The following ZCCHC14 variants were observed in gnomAD, a reference collection of about 807,000 sequenced individuals.
ZCCHC14 encodes the protein zinc finger CCHC domain-containing protein 14.
ZCCHC14 carries 16 observed loss-of-function variants against 85.0 expected under a neutral mutation model. The observed-to-expected ratio is 0.19, with a 90% CI of 0.13 to 0.29. The LOEUF (loss-of-function observed/expected upper bound fraction) is 0.29, where lower values mean the gene tolerates loss of function less well. Ranked by LOEUF, ZCCHC14 falls within the 10% of genes least tolerant of loss-of-function variation. The pLI is 1.00. For missense variants in ZCCHC14, 1,303 were observed against 1,443.5 expected (o/e 0.90, Z 1.58); for synonymous variants, 775 against 630.7 (o/e 1.23, Z -3.43).
At position 87,460,030 on chromosome 16, in the gene ZCCHC14, C is replaced by T; in HGVS notation, c.672G>A (p.Arg224=). The T allele has an allele frequency of 1.9e-6, 3 of 1,614,122 alleles. No homozygotes were observed. Among genetic ancestry groups the T allele is most frequent in the Non-Finnish European group, 1.7e-6 (2 of 1,180,028 alleles). Residue 224 remains arginine, a synonymous_variant, in exon 2 of 13, where the codon AGG becomes AGA. Transcript: ENST00000671377. ...AHSTEESLPK[R]PLGKHSKVSV... ...CACCTTTGCTGTGTTTTCCTAAGGG[C>T]CTCTTGGGCAGCGACTCCTCCGTGG...
At position 87,410,283 on chromosome 16, in the gene ZCCHC14, A is replaced by C; in HGVS notation, c.3258T>G (p.Asp1086Glu). The change falls in exon 13 of 13, where the codon GAT becomes GAG. Residue 1086 changes from aspartate to glutamate, a missense_variant. Physicochemically the swap from Asp to Glu is conservative, Grantham distance 45 (BLOSUM62 2). This residue lies in a region of ZCCHC14 where 797 missense variants were observed against 730.8 expected (regional missense o/e 1.09). Transcript: ENST00000671377. ...APPAESLDST[D>E] is the part of the protein sequence containing the mutation. ...GTTCTGTTGCCAGAGAAAAATATCA[A>C]TCTGTGGAGTCCAGACTTTCTGCTG... The C allele has an allele frequency of 1.3e-6, 1 of 773,542 alleles. No homozygotes were observed. The highest frequency in any genetic ancestry group is 2.4e-5 in the East Asian group (1 of 40,844). The allele number at this position is 773,542 out of a possible 1,614,324, so 47.9% of individuals were successfully genotyped here.
At chr16:87,455,571 C>A (rs939638796) in intron 2 of ZCCHC14, among the ~76,000 whole-genome samples, 3 of 152,220 alleles carry the variant, frequency 2.0e-5, no homozygotes, top group African/African-American at 7.2e-5. Context: ...TCTCTAATCA[C>A]ATTTTCTTCA....
intron 2 of ZCCHC14, among the ~76,000 whole-genome samples, chr16:87,459,356 T>A (rs1272659541): frequency 1.3e-5 from 2 of 151,882 alleles, no homozygotes; most frequent in South Asian, 2.1e-4. Context: ...ACCCTTTTTT[T>A]TTTTTTGAGA....
rs997504996 is a variant in ZCCHC14, at chr16:87,491,192, G to A, written c.570+477C>T. 6.6e-6 allele frequency among the ~76,000 whole-genome samples: 1 copy of A among 152,244 alleles called. No individual in the cohort carries two copies. The highest frequency in any genetic ancestry group is 2.1e-4 in the South Asian group (1 of 4,830). ...CCTGGGACTGTGAGCTCTGACCGCG[G>A]ACGTCTCCCGCACCGCTCCCGCGGA... On this transcript the variant is annotated intron_variant, in intron 1 of 12. Coordinates refer to ENST00000671377, the MANE Select transcript of ZCCHC14 (RefSeq NM_015144.3). The surrounding 1 kb of genome is among the most constrained non-coding windows in gnomAD (Gnocchi z 5.9).
rs1347390968 is a variant in ZCCHC14 at position 87,423,859 on chromosome 16, A to G, written c.791T>C (p.Ile264Thr). 1.9e-6 allele frequency: 3 copies of G among 1,614,052 alleles called. No homozygotes were observed. In the African/African-American group the frequency reaches 4.0e-5, roughly 22 times the overall value. Residue 264 changes from isoleucine to threonine, a missense_variant, in exon 4 of 13, where the codon ATA (isoleucine) becomes ACA (threonine). Ile to Thr is a moderately conservative substitution (Grantham distance 89). This residue lies in a region of ZCCHC14 where 389 missense variants were observed against 397.8 expected (regional missense o/e 0.98). Transcript: ENST00000671377. ...AGAGGAAGATTTGGTTACTGATGTT[A>G]TTGAAGAATCAGACCACAAGACCTT... Reference protein sequence around the residue: ...SFEVLWSDSSITSVTKSSSEV... With the variant: ...SFEVLWSDSSTTSVTKSSSEV...
At chr16:87,417,989 T>C (rs576518222) in intron 7 of ZCCHC14, 2 of 508,412 alleles carry the variant, frequency 3.9e-6, no homozygotes, top group South Asian at 7.8e-5. Flanking sequence ...CGGCTGTGCA[T>C]ATACACACAC....
intron 1 of ZCCHC14, among the ~76,000 whole-genome samples, chr16:87,461,883 A>T (rs566954111): frequency 4.8e-4 from 73 of 152,354 alleles, no homozygotes; most frequent in Non-Finnish European, 2.1e-4. Context: ...TCATGCAGGG[A>T]GAGGGACTAA....
intron 2 of ZCCHC14, among the ~76,000 whole-genome samples, chr16:87,438,930 G>C (rs907696288): frequency 9.9e-5 from 15 of 152,224 alleles, no homozygotes; most frequent in African/African-American, 3.6e-4. Flanking sequence ...CTAATGAGCA[G>C]ACCGTATTAT....
At chr16:87,422,995 G>C (rs992897597) in intron 4 of ZCCHC14, among the ~76,000 whole-genome samples, 2 of 152,120 alleles carry the variant, frequency 1.3e-5, no homozygotes, top group African/African-American at 4.8e-5. Context: ...ATCAGACATC[G>C]TCCTCACTCC....
At chr16:87,487,904 G>T (rs1912586075) in intron 1 of ZCCHC14, among the ~76,000 whole-genome samples, 1 of 151,244 alleles carries the variant, frequency 6.6e-6, no homozygotes, top group African/African-American at 2.4e-5. Flanking sequence ...ACGGTGTGTG[G>T]TCCCCTTATA....
chr16:87,485,841 A>C (rs1912492516), intron 1 of ZCCHC14, among the ~76,000 whole-genome samples: 1 of 152,218 alleles, frequency 6.6e-6, no homozygotes, highest in African/African-American at 2.4e-5. Flanking sequence ...GATGAAGTTT[A>C]CAGGACTAAA....
intron 2 of ZCCHC14, among the ~76,000 whole-genome samples, chr16:87,434,238 T>G (rs1043249162): frequency 2.8e-4 from 42 of 152,238 alleles, no homozygotes; most frequent in Non-Finnish European, 8.8e-5. Flanking sequence ...CCCAAATATC[T>G]GCTCAAAATA....
At chr16:87,457,020 T>C (rs541060094) in intron 2 of ZCCHC14, among the ~76,000 whole-genome samples, 2 of 152,220 alleles carry the variant, frequency 1.3e-5, no homozygotes, top group Non-Finnish European at 1.5e-5. Flanking sequence ...CTACAACAGC[T>C]TCCCTAAGTT....
chr16:87,464,185 G>A (rs1443522603), intron 1 of ZCCHC14, among the ~76,000 whole-genome samples: 1 of 152,214 alleles, frequency 6.6e-6, no homozygotes, highest in African/African-American at 2.4e-5. Context: ...AAGGGGAGAG[G>A]AGGGCTGAGC....
intron 2 of ZCCHC14, among the ~76,000 whole-genome samples, chr16:87,444,143 A>C (rs1035912740): frequency 6.6e-6 from 1 of 152,118 alleles, no homozygotes; most frequent in Non-Finnish European, 1.5e-5. Flanking sequence ...ACACTCCATC[A>C]GCAGGGCACA....
chr16:87,421,558 C>T (rs1052909251), intron 4 of ZCCHC14, among the ~76,000 whole-genome samples: 6 of 152,052 alleles, frequency 3.9e-5, no homozygotes, highest in African/African-American at 7.2e-5. Flanking sequence ...AAGGCCCTTG[C>T]CCCCACAAGC....
At chr16:87,490,553 C>G (rs1229217455) in intron 1 of ZCCHC14, among the ~76,000 whole-genome samples, 1 of 152,198 alleles carries the variant, frequency 6.6e-6, no homozygotes, top group African/African-American at 2.4e-5. Flanking sequence ...GACAAAAGTT[C>G]ACATCGCTAA....
rs999538683 is a variant in ZCCHC14 at position 87,412,918 on chromosome 16, G to C, written c.1803C>G (p.His601Gln). Residue 601 changes from histidine to glutamine, a missense_variant, in exon 12 of 13, where the codon CAC (histidine) becomes CAG (glutamine). Physicochemically the swap from His to Gln is conservative, Grantham distance 24 (BLOSUM62 0). Transcript: ENST00000671377. The part of the protein sequence containing the change: ...DKEKPVMLLN[H>Q]FTSSSARPTA... ...TGGGTCTGGCGGAACTGGAAGTGAA[G>C]TGATTCAGCAGCATCACCGGCTTCT... 3.1e-6 allele frequency: 5 copies of C among 1,601,706 alleles called. No individual in the cohort carries two copies. The highest frequency in any genetic ancestry group is 1.3e-5 in the African/African-American group (1 of 74,844).
intron 8 of ZCCHC14, among the ~76,000 whole-genome samples, chr16:87,416,833 T>A (rs1567510640): frequency 6.6e-6 from 1 of 152,218 alleles, no homozygotes; most frequent in Non-Finnish European, 1.5e-5. Flanking sequence ...TTTAACTATG[T>A]AGTAAAAGCT....
Sources: allele counts gnomAD v4.1 joint callset (sites outside exome capture counted in the v4.1 genomes callset), GRCh38; gene constraint gnomAD v4.1.1; regional missense constraint gnomAD v4.1.1; non-coding constraint Gnocchi (gnomAD v3.1); transcripts MANE v1.5; gene names NCBI Gene and HGNC (gene_info 2026-07-23, HGNC 2026-07-21).